The following ASXL1 variants were observed in gnomAD, a reference collection of about 807,000 sequenced individuals.
The protein encoded by ASXL1 is polycomb group protein ASXL1.
ASXL1 carries 65 observed loss-of-function variants against 89.1 expected under a neutral mutation model. The ratio of observed to expected loss-of-function variants is 0.73; its 90% CI spans 0.60 to 0.90. The LOEUF is 0.90. Among genes scored for constraint, ASXL1 ranks in the 40% least tolerant of loss-of-function variants. The probability of loss-of-function intolerance (pLI) is 0.00; values close to 1 mark genes in which losing one functional copy is unlikely to be tolerated. For synonymous variants in ASXL1, 739 were observed against 746.9 expected, an observed-to-expected ratio of 0.99 and a Z score of 0.17; for missense variants, 1,786 against 1,942.9, an observed-to-expected ratio of 0.92 and a Z score of 1.52.
At chr20:32,388,273 T>A (rs2048614174) in intron 4 of ASXL1, among the ~76,000 whole-genome samples, 1 of 152,122 alleles carries the variant, frequency 6.6e-6, no homozygotes, top group African/African-American at 2.4e-5. Context: ...CTTCCAGGCT[T>A]AAGCAATTCT....
At chr20:32,375,241 G>A (rs923925195) in intron 4 of ASXL1, among the ~76,000 whole-genome samples, 1 of 152,090 alleles carries the variant, frequency 6.6e-6, no homozygotes, top group East Asian at 1.9e-4. Context: ...TGAGTCGGGC[G>A]GATCACCTTA....
intron 4 of ASXL1, among the ~76,000 whole-genome samples, chr20:32,369,895 A>AT (rs1228944258): frequency 1.4e-5 from 2 of 146,096 alleles, no homozygotes; most frequent in Non-Finnish European, 3.0e-5. Context: ...TAATTTTTGT[A>AT]TTTTTAGTAG....
chr20:32,358,673 C>G lies in ASXL1; in HGVS notation c.-103C>G. 2.5e-6 allele frequency: 1 copy of G among 402,622 alleles called. No individual in the cohort carries two copies. The highest frequency in any genetic ancestry group is 3.5e-6 in the Non-Finnish European group (1 of 286,974). The allele number at this position is 402,622 out of a possible 1,614,324, so 24.9% of individuals were successfully genotyped here. Reference sequence around the variant, plus strand: ...GAGACCTCGCGCGCCGCCGCTGCCACGCGCCCCCCCCACCGCCGCCGCCGC... The same window carrying G: ...GAGACCTCGCGCGCCGCCGCTGCCAGGCGCCCCCCCCACCGCCGCCGCCGC... On this transcript the variant is annotated 5_prime_UTR_variant, in exon 1 of 13. Coordinates refer to ENST00000375687, the MANE Select transcript of ASXL1 (RefSeq NM_015338.6).
intron 4 of ASXL1, among the ~76,000 whole-genome samples, chr20:32,409,585 T>C (rs1014758022): frequency 6.6e-5 from 10 of 152,182 alleles, no homozygotes; most frequent in African/African-American, 2.4e-4. Context: ...CTAATGTGCA[T>C]ACTTTGAGCT....
At position 32,358,762 on chromosome 20, in the gene ASXL1, C is replaced by T. The variant is rs2048055762; in HGVS notation, c.-14C>T. On this transcript the variant is annotated 5_prime_UTR_variant, in exon 1 of 13. Transcript: ENST00000375687. ...AGGTCCCGCGTGGAGCTGCCGCCGC[C>T]GCCGGGGAGAAGGATGAAGGACAAA... The T allele has an allele frequency of 2.0e-6, 3 of 1,477,892 alleles. No individual in the cohort carries two copies. The highest frequency in any genetic ancestry group is 1.5e-5 in the African/African-American group (1 of 67,370). The allele number at this position is 1,477,892 out of a possible 1,614,324, so 91.5% of individuals were successfully genotyped here. A position where few individuals can be genotyped will look rare whatever the true frequency, so the allele number is the denominator to read the frequency against.
intron 4 of ASXL1, among the ~76,000 whole-genome samples, chr20:32,419,767 C>T (rs148935110): frequency 2.2e-4 from 33 of 151,540 alleles, no homozygotes; most frequent in African/African-American, 7.5e-4. Flanking sequence ...CTGCAACCTC[C>T]GTCTCCCATT....
At chr20:32,431,743 C>T in intron 10 of ASXL1, 64 bp downstream of exon 10, 1 of 1,539,670 alleles carries the variant, frequency 6.5e-7, no homozygotes, top group Non-Finnish European at 8.9e-7. Context: ...TGCATGTCTC[C>T]TGGTATTTAA....
At chr20:32,431,537 T>C in intron 9 of ASXL1, 46 bp from the exon 10 acceptor site, 10 of 1,614,122 alleles carry the variant, frequency 6.2e-6, no homozygotes, top group Non-Finnish European at 7.6e-6. Context: ...TTCTGTTCTC[T>C]TTTAAGTTTA....
chr20:32,434,250 C>T, intron 12 of ASXL1, 182 bp from the exon 13 acceptor site: 1 of 820,394 alleles, frequency 1.2e-6, no homozygotes, highest in Non-Finnish European at 1.9e-6. Flanking sequence ...AGCCCTTGAG[C>T]AGAATCTTCT....
At chr20:32,393,209 T>C (rs1276404109) in intron 4 of ASXL1, among the ~76,000 whole-genome samples, 1 of 152,244 alleles carries the variant, frequency 6.6e-6, no homozygotes, top group Non-Finnish European at 1.5e-5. Flanking sequence ...ACATAAGCAT[T>C]TATGATTGTC....
In ASXL1 at chr20:32,435,840, T is replaced by G; in HGVS notation, c.3128T>G (p.Leu1043Arg). ...CCCAATTGGAACCAATCTGCCCCAC[T>G]GTCCAAGGTGAATGGTGACATGCGT... is the stretch of plus-strand genomic sequence containing the variant. ...EKPNWNQSAP[L>R]SKVNGDMRLV... is the part of the protein sequence containing the mutation. Residue 1043 changes from leucine to arginine, a missense_variant, in exon 13 of 13, where the codon CTG becomes CGG. By Grantham distance (102) the Leu-to-Arg change is moderately radical. Coordinates refer to ENST00000375687, the MANE Select transcript of ASXL1 (RefSeq NM_015338.6). 1.9e-6 allele frequency: 3 copies of G among 1,614,172 alleles called. No individual in the cohort carries two copies. Among genetic ancestry groups the G allele is most frequent in the Non-Finnish European group, 2.5e-6 (3 of 1,180,024 alleles).
rs776986293 is a variant in ASXL1 at position 32,437,177 on chromosome 20, T to A, written c.4465T>A (p.Ser1489Thr). Residue 1489 changes from serine (S) to threonine (T), a missense_variant, in exon 13 of 13, where the codon TCC becomes ACC. Coordinates refer to ENST00000375687, the MANE Select transcript of ASXL1 (RefSeq NM_015338.6). ...NFGASHSASL[S>T]LQMFTDSSTV... ...TGGTGCGAGCCACAGTGCATCACTT[T>A]CCTTGCAAATGTTCACTGACAGCAG... 2 of 1,613,794 alleles carry A rather than the reference T, an allele frequency of 1.2e-6. No individual in the cohort carries two copies. The highest frequency in any genetic ancestry group is 2.2e-5 in the South Asian group (2 of 91,082).
intron 1 of ASXL1, chr20:32,359,292 C>G (rs1015012728): frequency 1.4e-6 from 1 of 702,544 alleles, no homozygotes; most frequent in Admixed American, 2.0e-5. Flanking sequence ...ACCCCACATT[C>G]AAGGACGCCA....
chr20:32,376,882 A>G (rs1439622142), intron 4 of ASXL1, among the ~76,000 whole-genome samples: 1 of 141,726 alleles, frequency 7.1e-6, no homozygotes, highest in African/African-American at 2.7e-5. Flanking sequence ...TATATATTTT[A>G]TATTTATAAA....
In ASXL1 at chr20:32,434,998, G is replaced by C; in HGVS notation, c.2286G>C (p.Leu762Phe). 6.2e-7 allele frequency: 1 copy of C among 1,614,152 alleles called. No individual in the cohort carries two copies. ...CTGGGGACCAGCCATGCCAGGCCTT[G>C]CCCCTACTGTCCTCCCAAACCTCAG... Reference protein sequence around the residue: ...APTGDQPCQALPLLSSQTSVA... With the variant: ...APTGDQPCQAFPLLSSQTSVA... The change falls in exon 13 of 13, where the codon TTG becomes TTC. Residue 762 changes from leucine (L) to phenylalanine (F), a missense_variant. Around this residue, in one of 3 missense-constraint regions of ASXL1, gnomAD observed 1,418 missense variants for 1,427.8 expected, o/e 0.99. Transcript: ENST00000375687.
chr20:32,395,719 T>C (rs553774703), intron 4 of ASXL1, among the ~76,000 whole-genome samples: 2 of 152,338 alleles, frequency 1.3e-5, no homozygotes, highest in East Asian at 3.9e-4. Context: ...TCTACTGATC[T>C]TCATTTCACT....
At chr20:32,430,213 A>G in intron 8 of ASXL1, 160 bp downstream of exon 8, 1 of 989,080 alleles carries the variant, frequency 1.0e-6, no homozygotes, top group East Asian at 2.7e-5. Context: ...TGCTTATTTC[A>G]TTTGTAGCTC....
intron 4 of ASXL1, among the ~76,000 whole-genome samples, chr20:32,379,803 G>A (rs993256049): frequency 1.3e-5 from 2 of 150,286 alleles, no homozygotes; most frequent in Non-Finnish European, 3.0e-5. Flanking sequence ...TCCAGCCTGG[G>A]TGACAGAGCA....
chr20:32,390,273 T>C (rs1337086090), intron 4 of ASXL1, among the ~76,000 whole-genome samples: 1 of 152,188 alleles, frequency 6.6e-6, no homozygotes, highest in Admixed American at 6.5e-5. Flanking sequence ...GTAGTCAGAG[T>C]ATGGCTTCTC....
Sources: allele counts gnomAD v4.1 joint callset (sites outside exome capture counted in the v4.1 genomes callset), GRCh38; gene constraint gnomAD v4.1.1; regional missense constraint gnomAD v4.1.1; transcripts MANE v1.5; gene names NCBI Gene and HGNC (gene_info 2026-07-23, HGNC 2026-07-21).